The following PLEKHH2 variants were observed in gnomAD, a reference collection of about 807,000 sequenced individuals.
PLEKHH2 encodes pleckstrin homology domain-containing family H member 2.
A neutral mutation model predicts 187.9 loss-of-function variants in PLEKHH2; 129 were observed. The ratio of observed to expected loss-of-function variants is 0.69; its 90% CI spans 0.59 to 0.79. The LOEUF is 0.79. Ranked by LOEUF, PLEKHH2 falls within the 30% of genes least tolerant of loss-of-function variation. PLEKHH2 has a pLI of 0.00. For missense variants in PLEKHH2, 2,076 were observed against 1,751.2 expected, an observed-to-expected ratio of 1.19 and a Z score of -3.31; for synonymous variants, 686 against 605.6, an observed-to-expected ratio of 1.13 and a Z score of -1.95.
chr2:43,689,935 A>G (rs1045660546), intron 3 of PLEKHH2, among the ~76,000 whole-genome samples: 2 of 152,156 alleles, frequency 1.3e-5, no homozygotes, highest in Non-Finnish European at 2.9e-5. Flanking sequence ...TGGCAACCCA[A>G]TGTCTGTAGG....
chr2:43,675,151 T>A (rs1296504033), intron 2 of PLEKHH2: 2 of 393,974 alleles, frequency 5.1e-6, no homozygotes, highest in Non-Finnish European at 9.0e-6. Context: ...GCAGGTGAAA[T>A]TAATTTTAAT....
At chr2:43,645,187 A>G (rs532929109) in intron 2 of PLEKHH2, among the ~76,000 whole-genome samples, 2 of 152,160 alleles carry the variant, frequency 1.3e-5, no homozygotes, top group Non-Finnish European at 2.9e-5. Context: ...TATTTGAAAG[A>G]TGTATCTACT....
At position 43,707,404 on chromosome 2, in the gene PLEKHH2, G is replaced by C. The variant is rs752997341; in HGVS notation, c.1825G>C (p.Ala609Pro). 6.2e-6 allele frequency: 10 copies of C among 1,613,824 alleles called. No homozygotes were observed. The highest frequency in any genetic ancestry group is 8.5e-6 in the Non-Finnish European group (10 of 1,179,968). The stretch of plus-strand genomic sequence containing the variant: ...AGGTTGTTCCACTTTTCTTTAGAAG[G>C]CGACCCAAATAAGTAGCAGCCCTTT... The part of the protein sequence containing the change: ...TPVYTTLKGK[A>P]TQISSSPFLD... Residue 609 changes from alanine (A) to proline (P), a missense_variant, in exon 11 of 30, where the codon GCG becomes CCG. By Grantham distance (27) the Ala-to-Pro change is conservative. Coordinates refer to ENST00000282406, the MANE Select transcript of PLEKHH2 (RefSeq NM_172069.4).
chr2:43,667,097 T>C (rs13382240), intron 2 of PLEKHH2, among the ~76,000 whole-genome samples: 1,974 of 152,284 alleles, frequency 0.013, 38 homozygotes, highest in African/African-American at 0.046. Context: ...TAACACAGAA[T>C]TACAAGGATT....
At chr2:43,749,048 C>G (rs886725770) in intron 24 of PLEKHH2, among the ~76,000 whole-genome samples, 1 of 152,112 alleles carries the variant, frequency 6.6e-6, no homozygotes, top group East Asian at 1.9e-4. Flanking sequence ...TGAGCCACTG[C>G]GCCCAGCCAA....
chr2:43,678,697 A>G (rs1055746321), intron 2 of PLEKHH2, among the ~76,000 whole-genome samples, 166 bp from the exon 3 acceptor site: 5 of 149,630 alleles, frequency 3.3e-5, no homozygotes, highest in Admixed American at 6.6e-5. Flanking sequence ...GAGGGAGACC[A>G]TGGAAAGAGA....
chr2:43,724,677 G>C (rs1670651917), intron 16 of PLEKHH2, among the ~76,000 whole-genome samples: 1 of 152,098 alleles, frequency 6.6e-6, no homozygotes, highest in Admixed American at 6.5e-5. Context: ...AGTTCGTTTT[G>C]CACTACCTAT....
intron 2 of PLEKHH2, among the ~76,000 whole-genome samples, chr2:43,659,163 C>CTTTTTTTTTTTTTTTTTT (rs888802992): frequency 6.8e-6 from 1 of 147,968 alleles, no homozygotes; most frequent in African/African-American, 2.6e-5. Flanking sequence ...ATATTTTTTT[C>CTTTTTTTTTTTTTTTTTT]TTTTTTTTGG....
At chr2:43,644,641 AT>A in intron 1 of PLEKHH2, 29 bp from the exon 2 acceptor site, 6 of 1,466,028 alleles carry the variant, frequency 4.1e-6, no homozygotes, top group Non-Finnish European at 4.6e-6. Flanking sequence ...TTACTTTTTA[AT>A]TTTTTGTTTA....
At chr2:43,684,653 A>G (rs1668406754) in intron 3 of PLEKHH2, among the ~76,000 whole-genome samples, 1 of 151,988 alleles carries the variant, frequency 6.6e-6, no homozygotes, top group South Asian at 2.1e-4. Flanking sequence ...GTTTGTTGCC[A>G]TCAGGGCCAA....
intron 2 of PLEKHH2, among the ~76,000 whole-genome samples, chr2:43,653,888 G>C (rs1271099278): frequency 6.6e-6 from 1 of 152,202 alleles, no homozygotes; most frequent in Non-Finnish European, 1.5e-5. Flanking sequence ...ACATGGTTCA[G>C]CTCTGAATAT....
intron 2 of PLEKHH2, among the ~76,000 whole-genome samples, chr2:43,650,899 G>T (rs1384921323): frequency 1.3e-5 from 2 of 150,844 alleles, no homozygotes; most frequent in Non-Finnish European, 3.0e-5. Flanking sequence ...CCCACCTTGG[G>T]CTCCCAAAGT....
chr2:43,712,314 A>G lies in PLEKHH2; in HGVS notation c.2391A>G (p.Arg797=). ...EWIKVLQNVL[R]VQAANPLSLQ... is the part of the protein sequence containing the mutation. Reference sequence around the variant, plus strand: ...TTAAAGTGTTACAGAATGTTCTTCGAGTACAAGCTGCCAACCCACTTTCCC... The same window carrying G: ...TTAAAGTGTTACAGAATGTTCTTCGGGTACAAGCTGCCAACCCACTTTCCC... The change falls in exon 15 of 30, where the codon CGA becomes CGG. Residue 797 remains arginine, a synonymous_variant. Coordinates refer to ENST00000282406, the MANE Select transcript of PLEKHH2 (RefSeq NM_172069.4). 1 of 1,614,080 alleles carries G rather than the reference A, an allele frequency of 6.2e-7. No individual in the cohort carries two copies. The highest frequency in any genetic ancestry group is 8.5e-7 in the Non-Finnish European group (1 of 1,179,952).
rs756415961 is a variant in PLEKHH2 at position 43,764,366 on chromosome 2, G to A, written c.4296+1G>A. On this transcript the variant is annotated splice_donor_variant, in intron 29 of 29. Transcript: ENST00000282406. LOFTEE classifies it high-confidence loss of function. The stretch of plus-strand genomic sequence containing the variant: ...ACTTTTTGCCATGGCAAAACCCAAG[G>A]TGAGTAGAAGCCTTTCTGCCAACTT... The A allele has an allele frequency of 6.2e-7, 1 of 1,612,376 alleles. No individual in the cohort carries two copies. The highest frequency in any genetic ancestry group is 1.1e-5 in the South Asian group (1 of 90,930).
At chr2:43,688,324 G>A (rs984786917) in intron 3 of PLEKHH2, among the ~76,000 whole-genome samples, 2 of 152,184 alleles carry the variant, frequency 1.3e-5, no homozygotes, top group Non-Finnish European at 2.9e-5. Context: ...TAAATTTTAA[G>A]TAACTGGAAA....
chr2:43,684,057 C>G (rs1320138643), intron 3 of PLEKHH2, among the ~76,000 whole-genome samples: 1 of 152,120 alleles, frequency 6.6e-6, no homozygotes, highest in Non-Finnish European at 1.5e-5. Flanking sequence ...TACCCAAATC[C>G]CATAGTTTAC....
At chr2:43,748,215 C>A (rs1410424690) in intron 24 of PLEKHH2, among the ~76,000 whole-genome samples, 3 of 152,094 alleles carry the variant, frequency 2.0e-5, no homozygotes, top group African/African-American at 7.2e-5. Context: ...TGATGATTTG[C>A]CAGAGGTTCA....
At chr2:43,750,580 C>T (rs1671970999) in intron 24 of PLEKHH2, among the ~76,000 whole-genome samples, 1 of 152,064 alleles carries the variant, frequency 6.6e-6, no homozygotes, top group Non-Finnish European at 1.5e-5. Context: ...ATTTGTTGAA[C>T]ATTTACCTAA....
In PLEKHH2 at chr2:43,708,261, CA is replaced by C. The variant is rs570271379; in HGVS notation, c.1966+717del. Among the ~76,000 whole-genome samples, 22 of 152,340 alleles carry C rather than the reference CA, an allele frequency of 1.4e-4. No homozygotes were observed. The South Asian group carries it at 4.6e-3, about 32-fold the overall frequency. ...TGACACACTTTTGCTGGAAACACTG[CA>C]GTGGCTCCTCACAACGGCTATAAGG... On this transcript the variant is annotated intron_variant, in intron 11 of 29. Transcript: ENST00000282406.
Sources: gnomAD v4.1 joint callset for allele counts (sites outside exome capture counted in the v4.1 genomes callset) on GRCh38, gnomAD v4.1.1 for gene constraint, MANE v1.5 for transcripts, NCBI Gene and HGNC (gene_info 2026-07-23, HGNC 2026-07-21) for gene names.